Variants in RAB38 observed in about 807,000 individuals in gnomAD.
RAB38 encodes ras-related protein Rab-38.
RAB38 carries 15 observed loss-of-function variants against 18.4 expected under a neutral mutation model. The observed-to-expected ratio is 0.82, with a 90% confidence interval of 0.55 to 1.26. RAB38 has a LOEUF of 1.26. Among genes scored for constraint, RAB38 ranks in the 50% most tolerant of loss-of-function variants. The probability of loss-of-function intolerance (pLI) is 0.00; values close to 1 mark genes in which losing one functional copy is unlikely to be tolerated. For missense variants in RAB38, 294 were observed against 267.4 expected, an observed-to-expected ratio of 1.10 and a Z score of -0.69; for synonymous variants, 101 against 104.4, an observed-to-expected ratio of 0.97 and a Z score of 0.20.
the RAB38 span, among the ~76,000 whole-genome samples, chr11:88,031,120 A>G: frequency 6.6e-6 from 1 of 151,962 alleles, no homozygotes; most frequent in East Asian, 1.9e-4. Context: ...AGAACCAAAG[A>G]CAAAAACCAC....
At chr11:87,883,048 C>T in the RAB38 span, among the ~76,000 whole-genome samples, 4 of 151,748 alleles carry the variant, frequency 2.6e-5, no homozygotes, top group South Asian at 2.1e-4. Flanking sequence ...TGATTGTGGT[C>T]GACAAGGCTT....
At chr11:87,847,769 C>T in the RAB38 span, among the ~76,000 whole-genome samples, 3 of 151,970 alleles carry the variant, frequency 2.0e-5, no homozygotes, top group Non-Finnish European at 4.4e-5. Flanking sequence ...ACAAATCAAG[C>T]GGGAGAAAGG....
chr11:88,012,710 T>C, the RAB38 span, among the ~76,000 whole-genome samples: 1 of 152,080 alleles, frequency 6.6e-6, no homozygotes, highest in Non-Finnish European at 1.5e-5. Flanking sequence ...TCCTTTGTAC[T>C]GGGGAAAGAG....
At chr11:87,879,286 A>C in the RAB38 span, among the ~76,000 whole-genome samples, 2 of 151,632 alleles carry the variant, frequency 1.3e-5, no homozygotes, top group African/African-American at 2.4e-5. Context: ...ATGAATATGT[A>C]ACCACATTGC....
the RAB38 span, among the ~76,000 whole-genome samples, chr11:87,919,663 T>C: frequency 6.6e-6 from 1 of 152,002 alleles, no homozygotes; most frequent in Non-Finnish European, 1.5e-5. Context: ...TTCAGAAAAG[T>C]TTGAGAAAGA....
At chr11:87,975,700 TTTAATTC>T in the RAB38 span, among the ~76,000 whole-genome samples, 1 of 151,814 alleles carries the variant, frequency 6.6e-6, no homozygotes, top group African/African-American at 2.4e-5. Flanking sequence ...TCTATAAATC[TTTAATTC>T]TAAATATGCT....
chr11:88,022,964 C>T, the RAB38 span, among the ~76,000 whole-genome samples: 106,109 of 151,882 alleles, frequency 0.7, 37,293 homozygotes, highest in East Asian at 0.76. Context: ...AACACAGGGA[C>T]GCACAGAGGG....
At position 88,113,825 on chromosome 11, in the gene RAB38, A is replaced by G. The variant is rs1942507594; in HGVS notation, c.*163T>C. ...GTGATGATGGTGAGGAAAGCATAGA[A>G]AGAACATTTGCTATTTCTCTCTCAC... On this transcript the variant is annotated 3_prime_UTR_variant, in exon 3 of 3. Transcript: ENST00000243662. The G allele has an allele frequency of 3.8e-6, 3 of 788,996 alleles. No homozygotes were observed. The highest frequency in any genetic ancestry group is 5.3e-5 in the Admixed American group (2 of 37,922). The allele number at this position is 788,996 out of a possible 1,614,324, so 48.9% of individuals were successfully genotyped here. A position where few individuals can be genotyped will look rare whatever the true frequency, so the allele number is the denominator to read the frequency against.
At chr11:88,020,808 A>C in the RAB38 span, among the ~76,000 whole-genome samples, 3 of 152,224 alleles carry the variant, frequency 2.0e-5, no homozygotes, top group Non-Finnish European at 4.4e-5. Context: ...TGGAAATGAT[A>C]AAAACATAAG....
intron 1 of RAB38, among the ~76,000 whole-genome samples, chr11:88,165,137 A>G (rs1418293946): frequency 3.3e-5 from 5 of 152,192 alleles, no homozygotes; most frequent in Non-Finnish European, 7.4e-5. Flanking sequence ...ATATATAATG[A>G]GCACCTTCTA....
chr11:88,147,041 G>A (rs1942996424), intron 2 of RAB38, among the ~76,000 whole-genome samples: 1 of 152,204 alleles, frequency 6.6e-6, no homozygotes, highest in Non-Finnish European at 1.5e-5. Flanking sequence ...GAACGTCAGA[G>A]TGAGGTGAAA....
At chr11:87,934,839 G>T in the RAB38 span, among the ~76,000 whole-genome samples, 4 of 152,076 alleles carry the variant, frequency 2.6e-5, no homozygotes, top group Non-Finnish European at 4.4e-5. Context: ...GAATGTTAAG[G>T]TAACACTGAG....
chr11:87,941,485 A>G, the RAB38 span, among the ~76,000 whole-genome samples: 3 of 151,752 alleles, frequency 2.0e-5, no homozygotes, highest in Admixed American at 6.6e-5. Flanking sequence ...ATGAAATAAG[A>G]TGGTATGATT....
chr11:87,880,587 C>T, the RAB38 span, among the ~76,000 whole-genome samples: 1 of 151,690 alleles, frequency 6.6e-6, no homozygotes, highest in Non-Finnish European at 1.5e-5. Flanking sequence ...CCAGTTGAGG[C>T]AGTTTATATT....
At chr11:87,808,266 G>A in the RAB38 span, among the ~76,000 whole-genome samples, 1 of 152,160 alleles carries the variant, frequency 6.6e-6, no homozygotes, top group Non-Finnish European at 1.5e-5. Context: ...CCCATGTTTA[G>A]TGCAGTGTTT....
At chr11:88,160,477 C>A (rs947679712) in intron 1 of RAB38, among the ~76,000 whole-genome samples, 1 of 152,140 alleles carries the variant, frequency 6.6e-6, no homozygotes, top group Non-Finnish European at 1.5e-5. Flanking sequence ...CAATCCCATT[C>A]TTTTGTATAT....
At chr11:88,035,810 A>C in the RAB38 span, among the ~76,000 whole-genome samples, 1 of 152,130 alleles carries the variant, frequency 6.6e-6, no homozygotes, top group Non-Finnish European at 1.5e-5. Context: ...GCAAATTGAC[A>C]AATTTCAGGA....
chr11:87,814,829 G>A, the RAB38 span, among the ~76,000 whole-genome samples: 1 of 151,924 alleles, frequency 6.6e-6, no homozygotes, highest in African/African-American at 2.4e-5. Flanking sequence ...TGCCTCCGGG[G>A]TTCACGCCAT....
At chr11:88,011,781 C>T in the RAB38 span, among the ~76,000 whole-genome samples, 1 of 152,100 alleles carries the variant, frequency 6.6e-6, no homozygotes, top group African/African-American at 2.4e-5. Flanking sequence ...AATTAAGGTT[C>T]AGTGGGGTTA....
Sources: gnomAD v4.1 joint callset for allele counts (sites outside exome capture counted in the v4.1 genomes callset) on GRCh38, gnomAD v4.1.1 for gene constraint, MANE v1.5 for transcripts, NCBI Gene and HGNC (gene_info 2026-07-23, HGNC 2026-07-21) for gene names.